MBIP: variants seen among roughly 807,000 people sequenced by gnomAD.
The protein encoded by MBIP is MAP3K12-binding inhibitory protein 1.
A neutral mutation model predicts 45.7 loss-of-function variants in MBIP; 32 were observed. The observed-to-expected ratio is 0.70, with a 90% CI of 0.53 to 0.94. The LOEUF is 0.94. Ranked by LOEUF, MBIP falls within the 40% of genes least tolerant of loss-of-function variation. The pLI is 0.00. For missense variants in MBIP, 381 were observed against 405.5 expected (o/e 0.94, Z 0.52); for synonymous variants, 145 against 141.0 (o/e 1.03, Z -0.20).
intron 7 of MBIP, among the ~76,000 whole-genome samples, chr14:36,301,770 T>C (rs1264043968): frequency 6.6e-6 from 1 of 152,252 alleles, no homozygotes; most frequent in Non-Finnish European, 1.5e-5. Flanking sequence ...CTTTTAAACT[T>C]TGGCCTAATG....
At chr14:36,304,526 T>C (rs1031625380) in intron 7 of MBIP, among the ~76,000 whole-genome samples, 15 of 152,358 alleles carry the variant, frequency 9.8e-5, no homozygotes, top group African/African-American at 3.6e-4. Context: ...TCTTTGGAAA[T>C]ACTCTAAGAT....
intron 6 of MBIP, among the ~76,000 whole-genome samples, chr14:36,308,751 C>T (rs1403304475): frequency 6.6e-6 from 1 of 152,106 alleles, no homozygotes; most frequent in Non-Finnish European, 1.5e-5. Context: ...AATCCTTCTA[C>T]TTCTCACCCC....
At chr14:36,316,046 A>G (rs1353240368) in intron 2 of MBIP, among the ~76,000 whole-genome samples, 1 of 152,190 alleles carries the variant, frequency 6.6e-6, no homozygotes, top group Non-Finnish European at 1.5e-5. Flanking sequence ...GAAACCAGCA[A>G]GGTCATAATA....
chr14:36,304,105 A>T (rs1012057958), intron 7 of MBIP, among the ~76,000 whole-genome samples: 1 of 152,056 alleles, frequency 6.6e-6, no homozygotes, highest in Non-Finnish European at 1.5e-5. Flanking sequence ...CCAGTTGTTC[A>T]CTCATGCTTC....
chr14:36,304,570 TTAAAC>T (rs1458344550), intron 7 of MBIP, among the ~76,000 whole-genome samples: 2 of 152,230 alleles, frequency 1.3e-5, no homozygotes, highest in Non-Finnish European at 2.9e-5. Flanking sequence ...GGCCATGCCC[TTAAAC>T]TTTTGAAAAC....
At chr14:36,320,322 C>G (rs904322485) in intron 1 of MBIP, 138 bp downstream of exon 1, 2 of 1,227,578 alleles carry the variant, frequency 1.6e-6, no homozygotes, top group Non-Finnish European at 2.3e-6. Flanking sequence ...TGGGCCCGGG[C>G]TCCTTCCACA....
At chr14:36,315,006 A>G in intron 2 of MBIP, 91 bp from the exon 3 acceptor site, 1 of 761,520 alleles carries the variant, frequency 1.3e-6, no homozygotes, top group Non-Finnish European at 2.2e-6. Context: ...TGCTAAGTAA[A>G]TGAAATACTT....
chr14:36,315,487 T>C (rs1360081783), intron 2 of MBIP, among the ~76,000 whole-genome samples: 3 of 152,138 alleles, frequency 2.0e-5, no homozygotes, highest in Non-Finnish European at 2.9e-5. Context: ...ACTCAGACTT[T>C]TCCTGACATG....
chr14:36,307,029 T>C (rs1321272013), intron 7 of MBIP, among the ~76,000 whole-genome samples: 3 of 152,252 alleles, frequency 2.0e-5, no homozygotes, highest in African/African-American at 4.8e-5. Flanking sequence ...CTAAGCAGTA[T>C]GCTAAGTGTT....
At chr14:36,313,663 C>G (rs1880351359) in intron 4 of MBIP, 1 of 152,000 alleles carries the variant, frequency 6.6e-6, no homozygotes, top group African/African-American at 2.4e-5. Context: ...AATTCAGGAC[C>G]CAATACCAGC....
At chr14:36,305,991 C>A (rs1044506645) in intron 7 of MBIP, among the ~76,000 whole-genome samples, 5 of 152,184 alleles carry the variant, frequency 3.3e-5, no homozygotes, top group Non-Finnish European at 7.3e-5. Context: ...TAGTTTCTCT[C>A]GTTTGTCTCC....
intron 1 of MBIP, among the ~76,000 whole-genome samples, chr14:36,318,577 A>T (rs572914726): frequency 1.4e-4 from 21 of 152,000 alleles, no homozygotes; most frequent in Non-Finnish European, 2.2e-4. Context: ...TTCAGTAAAA[A>T]CTTTACTAAA....
intron 6 of MBIP, among the ~76,000 whole-genome samples, chr14:36,309,270 T>A (rs910519346): frequency 6.6e-6 from 1 of 152,060 alleles, no homozygotes; most frequent in Admixed American, 6.5e-5. Flanking sequence ...CTCCTTACCT[T>A]AATTTTCTCC....
intron 7 of MBIP, among the ~76,000 whole-genome samples, chr14:36,304,503 T>A (rs1879758898): frequency 6.6e-6 from 1 of 152,246 alleles, no homozygotes; most frequent in African/African-American, 2.4e-5. Context: ...TATCATAATT[T>A]AAAATCAGTA....
At chr14:36,308,010 G>C (rs1879983552) in intron 7 of MBIP, 82 bp downstream of exon 7, 2 of 731,880 alleles carry the variant, frequency 2.7e-6, no homozygotes, top group South Asian at 3.6e-5. Context: ...TTTGCTTATA[G>C]ATCAATGAGT....
rs1880835563 is a variant in MBIP, at chr14:36,320,478, T to C, written c.111A>G (p.Leu37=). The part of the protein sequence containing the change: ...REVLYEIFRS[L]HTLVGQLDLR... Reference sequence around the variant, plus strand: ...CTCTCACCTGTCCAACCAGGGTGTGTAGGGAGCGAAAGATTTCGTAGAGCA... The same window carrying C: ...CTCTCACCTGTCCAACCAGGGTGTGCAGGGAGCGAAAGATTTCGTAGAGCA... The change falls in exon 1 of 9, where the codon CTA becomes CTG. Residue 37 remains leucine, a synonymous_variant. Transcript: ENST00000416007. 5 of 1,614,084 alleles carry C rather than the reference T, an allele frequency of 3.1e-6. No homozygotes were observed. Among genetic ancestry groups the C allele is most frequent in the Non-Finnish European group, 4.2e-6 (5 of 1,180,030 alleles).
intron 4 of MBIP, chr14:36,313,752 A>G (rs1366553216): frequency 6.6e-6 from 1 of 152,136 alleles, no homozygotes; most frequent in African/African-American, 2.4e-5. Context: ...TTCTATGTTC[A>G]TAATAATTAG....
At chr14:36,317,271 C>A (rs190614672) in intron 1 of MBIP, among the ~76,000 whole-genome samples, 93 of 152,276 alleles carry the variant, frequency 6.1e-4, no homozygotes, top group Admixed American at 1.9e-3. Context: ...TACACAAATA[C>A]ATATCAGAAA....
chr14:36,300,691 C>T (rs1162957136), intron 8 of MBIP, 94 bp downstream of exon 8: 2 of 934,666 alleles, frequency 2.1e-6, no homozygotes, highest in Non-Finnish European at 1.6e-6. Context: ...AGGGTATGAC[C>T]TAAAAGCAAC....
Sources: allele counts gnomAD v4.1 joint callset (sites outside exome capture counted in the v4.1 genomes callset), GRCh38; gene constraint gnomAD v4.1.1; transcripts MANE v1.5; gene names NCBI Gene and HGNC (gene_info 2026-07-23, HGNC 2026-07-21).